DTWD2: variants seen among roughly 807,000 people sequenced by gnomAD.
DTWD2 encodes the protein DTW motif tRNA-uridine aminocarboxypropyltransferase 2.
DTWD2 carries 39 observed loss-of-function variants against 31.8 expected under a neutral mutation model. The observed-to-expected ratio is 1.22, with a 90% CI of 0.95 to 1.60. DTWD2 has a LOEUF of 1.60. DTWD2 is among the 40% of genes most tolerant of loss of function. DTWD2 has a pLI of 0.00. For missense variants in DTWD2, 515 were observed against 381.5 expected, an observed-to-expected ratio of 1.35 and a Z score of -2.92; for synonymous variants, 180 against 142.8, an observed-to-expected ratio of 1.26 and a Z score of -1.86.
chr5:118,926,371 A>G (rs928722819), intron 4 of DTWD2, among the ~76,000 whole-genome samples: 29 of 152,128 alleles, frequency 1.9e-4, no homozygotes, highest in African/African-American at 6.8e-4. Flanking sequence ...AGATGTACAT[A>G]ATAAATTTTG....
At chr5:118,850,796 C>T (rs1021411182) in intron 4 of DTWD2, among the ~76,000 whole-genome samples, 6 of 152,054 alleles carry the variant, frequency 3.9e-5, no homozygotes, top group Non-Finnish European at 7.3e-5. Context: ...CCAGAATCTA[C>T]AAGAAGCTTA....
chr5:118,843,333 G>C (rs1751767061), intron 5 of DTWD2, among the ~76,000 whole-genome samples: 1 of 146,514 alleles, frequency 6.8e-6, no homozygotes, highest in Admixed American at 6.7e-5. Context: ...AAGGAAGCGA[G>C]GGAGGGAGGG....
intron 4 of DTWD2, among the ~76,000 whole-genome samples, chr5:118,924,660 T>C (rs2149576978): frequency 6.6e-6 from 1 of 152,380 alleles, no homozygotes; most frequent in African/African-American, 2.4e-5. Context: ...AAATAAACTT[T>C]TAGTGTTACA....
At chr5:118,987,922 T>A (rs1013445715) in intron 1 of DTWD2, among the ~76,000 whole-genome samples, 1 of 152,170 alleles carries the variant, frequency 6.6e-6, no homozygotes, top group Non-Finnish European at 1.5e-5. Context: ...CCAATCCACT[T>A]TATGCTTTTT....
At chr5:118,884,581 T>G (rs1752813498) in intron 4 of DTWD2, among the ~76,000 whole-genome samples, 1 of 152,242 alleles carries the variant, frequency 6.6e-6, no homozygotes, top group Non-Finnish European at 1.5e-5. Context: ...TGAAAATATT[T>G]CACACTTTAG....
At chr5:118,970,102 T>G (rs1447829607) in intron 1 of DTWD2, among the ~76,000 whole-genome samples, 1 of 152,116 alleles carries the variant, frequency 6.6e-6, no homozygotes, top group African/African-American at 2.4e-5. Flanking sequence ...AGACTATCTT[T>G]CTAAAACAGG....
intron 4 of DTWD2, among the ~76,000 whole-genome samples, chr5:118,883,532 AAAC>A (rs1418100098): frequency 3.9e-5 from 6 of 152,308 alleles, no homozygotes; most frequent in Non-Finnish European, 8.8e-5. Context: ...AGTGATTTCT[AAAC>A]AAAAGCAGTG....
chr5:118,943,815 C>G (rs1194106512), intron 2 of DTWD2, among the ~76,000 whole-genome samples: 1 of 152,138 alleles, frequency 6.6e-6, no homozygotes, highest in Non-Finnish European at 1.5e-5. Flanking sequence ...TTAAAGTCTT[C>G]AAGTGATCCA....
intron 1 of DTWD2, among the ~76,000 whole-genome samples, chr5:118,980,944 A>C (rs1438395912): frequency 6.6e-6 from 1 of 152,248 alleles, no homozygotes; most frequent in Non-Finnish European, 1.5e-5. Flanking sequence ...ATGTAAAAAC[A>C]ACCCAAGCAT....
At chr5:118,930,620 C>CT (rs1223661132) in intron 3 of DTWD2, among the ~76,000 whole-genome samples, 3 of 152,162 alleles carry the variant, frequency 2.0e-5, no homozygotes, top group Non-Finnish European at 4.4e-5. Context: ...AGAGAAACTA[C>CT]TTACCACAGC....
At chr5:118,926,661 A>G (rs1753815143) in intron 4 of DTWD2, among the ~76,000 whole-genome samples, 1 of 152,228 alleles carries the variant, frequency 6.6e-6, no homozygotes, top group Non-Finnish European at 1.5e-5. Flanking sequence ...CAGTTATACT[A>G]GCGGAAATAT....
In DTWD2 at chr5:118,939,247, A is replaced by T; in HGVS notation, c.353T>A (p.Leu118His). 1 of 1,601,038 alleles carries T rather than the reference A, an allele frequency of 6.2e-7. No homozygotes were observed. ...CTTCACTTTACACTTGTCCTGGGGG[A>T]GGCATGCTGCTAGTAGAGGAACTGT... Reference protein sequence around the residue: ...LRTVPLLAACLPQDKCKVKIG... With the variant: ...LRTVPLLAACHPQDKCKVKIG... The change falls in exon 3 of 6, where the codon CTC (leucine) becomes CAC (histidine). Residue 118 changes from leucine (L) to histidine (H), a missense_variant. Transcript: ENST00000510708.
At chr5:118,904,259 A>G (rs1753277424) in intron 4 of DTWD2, among the ~76,000 whole-genome samples, 1 of 152,094 alleles carries the variant, frequency 6.6e-6, no homozygotes, top group African/African-American at 2.4e-5. Context: ...TCTAATAAAA[A>G]CACCCACATG....
chr5:118,974,732 T>G, intron 1 of DTWD2: 1 of 474,984 alleles, frequency 2.1e-6, no homozygotes, highest in Non-Finnish European at 4.2e-6. Flanking sequence ...GTTTATTTTT[T>G]TTGGCCTGTT....
At chr5:118,909,896 C>T (rs1225778100) in intron 4 of DTWD2, among the ~76,000 whole-genome samples, 1 of 152,194 alleles carries the variant, frequency 6.6e-6, no homozygotes, top group Admixed American at 6.5e-5. Context: ...CACAATATGC[C>T]CTCCAGTCAG....
At chr5:118,890,562 C>CTTTTTTTTTTTTTTTTTTTT (rs973397760) in intron 4 of DTWD2, among the ~76,000 whole-genome samples, 1 of 71,252 alleles carries the variant, frequency 1.4e-5, no homozygotes, top group Non-Finnish European at 2.5e-5. Context: ...TTAGGTTTTC[C>CTTTTTTTTTTTTTTTTTTTT]TTTTTTTTTT....
chr5:118,850,051 TAAAATAA>T (rs1471914059), intron 4 of DTWD2, among the ~76,000 whole-genome samples: 1 of 150,930 alleles, frequency 6.6e-6, no homozygotes, highest in East Asian at 1.9e-4. Context: ...AAAAATAAAA[TAAAATAA>T]AAAATAAAAA....
intron 4 of DTWD2, among the ~76,000 whole-genome samples, chr5:118,861,407 T>C (rs1201701427): frequency 1.3e-5 from 2 of 152,214 alleles, no homozygotes; most frequent in Non-Finnish European, 2.9e-5. Context: ...TTTAAAAATT[T>C]TCCCTGAGGC....
At chr5:118,914,957 T>C (rs1020066230) in intron 4 of DTWD2, among the ~76,000 whole-genome samples, 2 of 152,210 alleles carry the variant, frequency 1.3e-5, no homozygotes, top group African/African-American at 2.4e-5. Flanking sequence ...TTAATTTTTC[T>C]GGCTCACGCC....
Sources: gnomAD v4.1 joint callset for allele counts (sites outside exome capture counted in the v4.1 genomes callset) on GRCh38, gnomAD v4.1.1 for gene constraint, MANE v1.5 for transcripts, NCBI Gene and HGNC (gene_info 2026-07-23, HGNC 2026-07-21) for gene names.